ELF4: variants seen among roughly 807,000 people sequenced by gnomAD.
ELF4 encodes E74 like ETS transcription factor 4.
Under a neutral mutation model 31.7 loss-of-function variants are expected in ELF4, and 10 were observed. That is an observed-to-expected ratio of 0.32 (90% CI 0.19 to 0.54). ELF4 has a LOEUF of 0.54. ELF4 is among the 20% of genes least tolerant of loss of function. The pLI is 0.95. For missense variants in ELF4, 418 were observed against 522.0 expected (o/e 0.80, Z 1.94); for synonymous variants, 208 against 226.7 (o/e 0.92, Z 0.74).
chrX:130,074,706 G>T lies in ELF4; in HGVS notation c.122C>A (p.Pro41His). The T allele has an allele frequency of 2.5e-6, 3 of 1,211,382 alleles. No homozygotes were observed. Among genetic ancestry groups the T allele is most frequent in the Non-Finnish European group, 3.4e-6 (3 of 895,479 alleles). ...VFPAVIVEQV[P>H]YPDLLHLYSG... Reference sequence around the variant, plus strand: ...GTACAGATGCAGTAAATCAGGGTAGGGTACCTGCTCCACGATCACAGCTGG... The same window carrying T: ...GTACAGATGCAGTAAATCAGGGTAGTGTACCTGCTCCACGATCACAGCTGG... Residue 41 changes from proline (P) to histidine (H), a missense_variant, in exon 3 of 9, where the codon CCC becomes CAC. Physicochemically the swap from Pro to His is moderately conservative, Grantham distance 77. Transcript: ENST00000308167.
intron 1 of ELF4, among the ~76,000 whole-genome samples, chrX:130,108,305 A>T (rs1933410255): frequency 9.0e-6 from 1 of 111,203 alleles, no homozygotes; most frequent in Non-Finnish European, 1.9e-5. Flanking sequence ...TGAGACCCTG[A>T]ATTAAAAAAC....
rs192015463 is a variant in ELF4 at position 130,108,140 on chromosome X, G to A, written c.-210+2185C>T. On this transcript the variant is annotated intron_variant, in intron 1 of 8. Transcript: ENST00000308167. ...GGAGAATCACTTGAACCTGGGAGGC[G>A]GAGGTTGCGGCGAGCCAAGATCGTG... Among the ~76,000 whole-genome samples, 1,058 of 110,494 alleles carry A rather than the reference G, an allele frequency of 9.6e-3. 13 individuals carry two copies. The highest frequency in any genetic ancestry group is 0.033 in the African/African-American group (1,007 of 30,231).
intron 8 of ELF4, 62 bp from the exon 9 acceptor site, chrX:130,067,587 G>T: frequency 9.2e-7 from 1 of 1,086,318 alleles, no homozygotes; most frequent in Non-Finnish European, 1.3e-6. Flanking sequence ...TGGTTAGGAA[G>T]GAGGGCACGA....
At chrX:130,077,438 G>C (rs964424543) in intron 2 of ELF4, among the ~76,000 whole-genome samples, 1 of 111,474 alleles carries the variant, frequency 9.0e-6, no homozygotes, top group Non-Finnish European at 1.9e-5. Context: ...TGGGATTACA[G>C]GCATAGGCCA....
intron 2 of ELF4, 122 bp from the exon 3 acceptor site, chrX:130,074,874 A>G (rs991790834): frequency 3.8e-6 from 3 of 796,369 alleles, no homozygotes; most frequent in Non-Finnish European, 5.5e-6. Flanking sequence ...TGTCCTTTGT[A>G]TAGGATGATA....
intron 2 of ELF4, among the ~76,000 whole-genome samples, chrX:130,077,251 A>G (rs1380707486): frequency 9.0e-6 from 1 of 111,517 alleles, no homozygotes; most frequent in East Asian, 2.8e-4. Context: ...TAGTGGCCCC[A>G]TACTGGACAG....
intron 1 of ELF4, among the ~76,000 whole-genome samples, chrX:130,094,277 G>A (rs753227624): frequency 2.7e-5 from 3 of 111,400 alleles, no homozygotes; most frequent in African/African-American, 6.5e-5. Context: ...CCAGCTACTC[G>A]GGAGGCTGAG....
At position 130,081,369 on chromosome X, in the gene ELF4, C is replaced by G; in HGVS notation, c.-39G>C. The G allele has an allele frequency of 4.3e-6, 5 of 1,172,430 alleles. No individual in the cohort carries two copies. The highest frequency in any genetic ancestry group is 5.8e-6 in the Non-Finnish European group (5 of 859,648). On this transcript the variant is annotated 5_prime_UTR_variant, in exon 2 of 9. Coordinates refer to ENST00000308167, the MANE Select transcript of ELF4 (RefSeq NM_001421.4). ...AGAGCTGACAACGGGATTATCAGAG[C>G]CCTCCAGAGCTGTGGGGCTTTCTTG... is the stretch of plus-strand genomic sequence containing the variant.
At chrX:130,093,479 C>T (rs768764275) in intron 1 of ELF4, among the ~76,000 whole-genome samples, 1 of 111,244 alleles carries the variant, frequency 9.0e-6, no homozygotes, top group Non-Finnish European at 1.9e-5. Context: ...TGGTGACTTC[C>T]ACTCTTAAGT....
chrX:130,076,397 A>T (rs933311552), intron 2 of ELF4, among the ~76,000 whole-genome samples: 3 of 111,171 alleles, frequency 2.7e-5, no homozygotes, highest in African/African-American at 9.8e-5. Flanking sequence ...ACCTCTATAA[A>T]TAAATAAATA....
intron 1 of ELF4, among the ~76,000 whole-genome samples, chrX:130,090,818 A>G (rs993286914): frequency 8.9e-6 from 1 of 111,915 alleles, no homozygotes; most frequent in Non-Finnish European, 1.9e-5. Context: ...ATTTTTTAAT[A>G]TATGTATTTT....
At chrX:130,096,342 C>A (rs1933150149) in intron 1 of ELF4, among the ~76,000 whole-genome samples, 1 of 110,382 alleles carries the variant, frequency 9.1e-6, no homozygotes, top group Non-Finnish European at 1.9e-5. Context: ...GCCAGCCATA[C>A]CGGGCTAATT....
chrX:130,089,585 C>T (rs769521053), intron 1 of ELF4, among the ~76,000 whole-genome samples: 1 of 105,687 alleles, frequency 9.5e-6, no homozygotes, highest in African/African-American at 3.5e-5. Context: ...TATAAGAGAC[C>T]TGAAAGATCA....
chrX:130,106,343 C>T (rs73225595), intron 1 of ELF4, among the ~76,000 whole-genome samples: 2,817 of 111,124 alleles, frequency 0.025, 35 homozygotes, highest in Non-Finnish European at 0.042. Context: ...TCATCTCTTC[C>T]CCAGCGCCTC....
chrX:130,064,458 T>C lies in ELF4; in HGVS notation c.*2263A>G, dbSNP rs960588114. On this transcript the variant is annotated 3_prime_UTR_variant, in exon 9 of 9. Transcript: ENST00000308167. ...AAAAACAAACGAACAAACAAAAACA[T>C]TGTTGATAGAGGGGCTATCTTTAAG... 9.0e-6 allele frequency among the ~76,000 whole-genome samples: 1 copy of C among 111,640 alleles called. No homozygotes were observed. Among genetic ancestry groups the C allele is most frequent in the African/African-American group, 3.3e-5 (1 of 30,733 alleles).
At chrX:130,087,685 C>T (rs1219826757) in intron 1 of ELF4, among the ~76,000 whole-genome samples, 1 of 111,037 alleles carries the variant, frequency 9.0e-6, no homozygotes, top group Non-Finnish European at 1.9e-5. Context: ...CCAGGCTGGT[C>T]TTGAAATCCT....
intron 2 of ELF4, among the ~76,000 whole-genome samples, chrX:130,076,090 AG>A (rs1479723873): frequency 8.9e-6 from 1 of 112,283 alleles, no homozygotes; most frequent in East Asian, 2.8e-4. Context: ...ACAGTTCAAA[AG>A]GGAGCTGGTG....
chrX:130,111,152 G>A (rs1933482869), upstream of ELF4, among the ~76,000 whole-genome samples: 1 of 109,542 alleles, frequency 9.1e-6, no homozygotes, highest in African/African-American at 3.3e-5. Flanking sequence ...CGGCTCGCTC[G>A]CGCCCGGGGG....
In ELF4 at chrX:130,069,588, A is replaced by G; in HGVS notation, c.899T>C (p.Ile300Thr). ...FKEMPKDLVV[I>T]EDEDESSEAT... The stretch of plus-strand genomic sequence containing the variant: ...TTCGCTGCTCTCATCCTCATCTTCA[A>G]TGACCACCAGGTCCTTGGGCATCTC... Residue 300 changes from isoleucine (I) to threonine (T), a missense_variant, in exon 8 of 9, where the codon ATT (isoleucine) becomes ACT (threonine). Ile to Thr is a moderately conservative substitution (Grantham distance 89). Coordinates refer to ENST00000308167, the MANE Select transcript of ELF4 (RefSeq NM_001421.4). 4 of 1,211,051 alleles carry G rather than the reference A, an allele frequency of 3.3e-6. No homozygotes were observed. Among genetic ancestry groups the G allele is most frequent in the African/African-American group, 1.7e-5 (1 of 58,003 alleles).
Sources: allele counts gnomAD v4.1 joint callset (sites outside exome capture counted in the v4.1 genomes callset), GRCh38; gene constraint gnomAD v4.1.1; transcripts MANE v1.5; gene names NCBI Gene and HGNC (gene_info 2026-07-23, HGNC 2026-07-21).